The following ZNF75D variants were observed in gnomAD, a reference collection of about 807,000 sequenced individuals.
The protein encoded by ZNF75D is zinc finger protein 75D, also known as zinc finger protein 75.
ZNF75D carries 33 observed loss-of-function variants against 33.3 expected under a neutral mutation model. The observed-to-expected ratio is 0.99, with a 90% CI of 0.75 to 1.32. ZNF75D has a LOEUF of 1.32. ZNF75D is among the 40% of genes most tolerant of loss of function. ZNF75D has a pLI of 0.00. For missense variants in ZNF75D, 338 were observed against 367.5 expected (o/e 0.92, Z 0.66); for synonymous variants, 113 against 130.6 (o/e 0.87, Z 0.92).
At chrX:135,257,808 T>TTTA (rs1168748117) in intron 1 of ZNF75D, among the ~76,000 whole-genome samples, 1 of 111,934 alleles carries the variant, frequency 8.9e-6, no homozygotes, top group African/African-American at 3.2e-5. Context: ...TTAGAGATCT[T>TTTA]TTATTATTAT....
downstream of ZNF75D, among the ~76,000 whole-genome samples, chrX:135,283,051 G>A (rs2083926490): frequency 8.9e-6 from 1 of 111,972 alleles, no homozygotes; most frequent in Non-Finnish European, 1.9e-5. Context: ...CATTGCATAG[G>A]TCCTCCTCCC....
At chrX:135,314,666 G>C (rs1376556729) in intron 1 of ZNF75D, among the ~76,000 whole-genome samples, 1 of 111,373 alleles carries the variant, frequency 9.0e-6, no homozygotes, top group Non-Finnish European at 1.9e-5. Flanking sequence ...ACTTGTTATT[G>C]GTCTGTTCAG....
In ZNF75D at chrX:135,335,265, G is replaced by A. The variant is rs58653647; in HGVS notation, c.-391+6503C>T. On this transcript the variant is annotated intron_variant, in intron 1 of 6. Coordinates refer to ENST00000370766, the MANE Select transcript of ZNF75D (RefSeq NM_007131.5). Reference sequence around the variant, plus strand: ...CCTAGGACCTTGTTATATCTGAGAAGGTTTGGGATCTTCTTCTAAGTTCGA... The same window carrying A: ...CCTAGGACCTTGTTATATCTGAGAAAGTTTGGGATCTTCTTCTAAGTTCGA... Among the ~76,000 whole-genome samples, 1,107 of 110,929 alleles carry A rather than the reference G, an allele frequency of 1.0e-2. 37 individuals are homozygous for A. The East Asian group carries it at 0.14, about 14-fold the overall frequency.
At chrX:135,318,897 A>G (rs1246290126) in intron 1 of ZNF75D, among the ~76,000 whole-genome samples, 2 of 112,045 alleles carry the variant, frequency 1.8e-5, no homozygotes, top group Admixed American at 1.9e-4. Context: ...AAACAGGGAG[A>G]TGTTTTCTCT....
At chrX:135,261,620 C>T (rs1359646542) in intron 1 of ZNF75D, among the ~76,000 whole-genome samples, 1 of 111,254 alleles carries the variant, frequency 9.0e-6, no homozygotes. Flanking sequence ...GGTTGCAACC[C>T]CTGCTTTTTT....
intron 1 of ZNF75D, among the ~76,000 whole-genome samples, chrX:135,302,745 G>A (rs868984722): frequency 1.1e-4 from 12 of 111,457 alleles, no homozygotes; most frequent in African/African-American, 3.6e-4. Flanking sequence ...CCAGTGAAGG[G>A]GTGGGTTGCC....
At chrX:135,317,941 C>T (rs913582822) in intron 1 of ZNF75D, among the ~76,000 whole-genome samples, 16 of 109,726 alleles carry the variant, frequency 1.5e-4, no homozygotes, top group African/African-American at 5.3e-4. Flanking sequence ...GCAGTGTCAC[C>T]TTCAGTGACA....
chrX:135,266,582 A>T (rs1330368445), intron 1 of ZNF75D, among the ~76,000 whole-genome samples: 3 of 111,932 alleles, frequency 2.7e-5, no homozygotes, highest in Admixed American at 9.5e-5. Flanking sequence ...GCATATAAGG[A>T]TTGTAAATAT....
At chrX:135,291,929 T>G (rs1037599893) in intron 4 of ZNF75D, among the ~76,000 whole-genome samples, 8 of 112,403 alleles carry the variant, frequency 7.1e-5, no homozygotes, top group Middle Eastern at 9.3e-3. Flanking sequence ...TACTTTTTCC[T>G]AGTGCACAAT....
intron 1 of ZNF75D, among the ~76,000 whole-genome samples, chrX:135,261,864 G>A (rs951129081): frequency 8.1e-5 from 9 of 111,647 alleles, no homozygotes; most frequent in Admixed American, 1.9e-4. Context: ...TATTTTGCCC[G>A]TTAATTGATG....
At chrX:135,264,364 C>T (rs782357929) in intron 1 of ZNF75D, among the ~76,000 whole-genome samples, 123 of 111,678 alleles carry the variant, frequency 1.1e-3, no homozygotes, top group African/African-American at 3.9e-3. Flanking sequence ...TTCAACATGA[C>T]GTGTGGGTGC....
intron 1 of ZNF75D, among the ~76,000 whole-genome samples, chrX:135,324,063 C>T (rs73224782): frequency 9.5e-4 from 105 of 110,914 alleles, no homozygotes; most frequent in Non-Finnish European, 1.7e-3. Context: ...TTATTACTCA[C>T]ATACCGAGGC....
In ZNF75D at chrX:135,314,752, G is replaced by A. The variant is rs1187270501; in HGVS notation, c.-390-18713C>T. 6.3e-5 allele frequency among the ~76,000 whole-genome samples: 7 copies of A among 111,614 alleles called. No homozygotes were observed. In the East Asian group the frequency reaches 8.4e-4, roughly 13 times the overall value. On this transcript the variant is annotated intron_variant, in intron 1 of 6. Coordinates refer to ENST00000370766, the MANE Select transcript of ZNF75D (RefSeq NM_007131.5). ...TTACCAATTCCCTCTAGGTTTTCCCGTTTATGAGCATATAGGTGTTCATAA... is the reference window on the plus strand; with the variant it reads ...TTACCAATTCCCTCTAGGTTTTCCCATTTATGAGCATATAGGTGTTCATAA...
chrX:135,270,388 TATATAC>T (rs2083878795), intron 1 of ZNF75D, among the ~76,000 whole-genome samples: 5 of 87,452 alleles, frequency 5.7e-5, no homozygotes, highest in Admixed American at 5.1e-4. Context: ...TATATATATA[TATATAC>T]ACATATTTAT....
At chrX:135,312,307 G>A (rs2084367838) in intron 1 of ZNF75D, among the ~76,000 whole-genome samples, 1 of 111,109 alleles carries the variant, frequency 9.0e-6, no homozygotes, top group Non-Finnish European at 1.9e-5. Flanking sequence ...TTCCATCCAT[G>A]TTGCTGCAAC....
downstream of ZNF75D, among the ~76,000 whole-genome samples, chrX:135,284,748 C>T (rs1468758877): frequency 9.3e-6 from 1 of 107,373 alleles, no homozygotes; most frequent in Non-Finnish European, 1.9e-5. Flanking sequence ...GCACGATAAG[C>T]TTTGAAGGTA....
rs1358804504 is a variant in ZNF75D, at chrX:135,286,787, G to A, written c.*350C>T. Reference sequence around the variant, plus strand: ...GACAAAGAGTAAAAAATGAGACTAAGAGCCTTGACTATCATATGTCTGTTG... The same window carrying A: ...GACAAAGAGTAAAAAATGAGACTAAAAGCCTTGACTATCATATGTCTGTTG... On this transcript the variant is annotated 3_prime_UTR_variant, in exon 7 of 7. Coordinates refer to ENST00000370766, the MANE Select transcript of ZNF75D (RefSeq NM_007131.5). 1 of 168,895 alleles carries A rather than the reference G, an allele frequency of 5.9e-6. No individual in the cohort carries two copies. The highest frequency in any genetic ancestry group is 1.1e-5 in the Non-Finnish European group (1 of 92,780). 13.9% of individuals were successfully genotyped at this position (168,895 alleles called of 1,213,427 possible). A position where few individuals can be genotyped will look rare whatever the true frequency, so the allele number is the denominator to read the frequency against.
At chrX:135,338,094 A>C (rs182918897) in intron 1 of ZNF75D, among the ~76,000 whole-genome samples, 1 of 111,512 alleles carries the variant, frequency 9.0e-6, no homozygotes, top group East Asian at 2.8e-4. Context: ...GATCAGAGAC[A>C]CAATGAGCAG....
At chrX:135,329,366 C>T (rs1383681513) in intron 1 of ZNF75D, among the ~76,000 whole-genome samples, 7 of 111,300 alleles carry the variant, frequency 6.3e-5, no homozygotes, top group East Asian at 2.8e-4. Context: ...TCACTGCAAC[C>T]GCTGCCTCTT....
Sources: allele counts gnomAD v4.1 joint callset (sites outside exome capture counted in the v4.1 genomes callset), GRCh38; gene constraint gnomAD v4.1.1; transcripts MANE v1.5; gene names NCBI Gene and HGNC (gene_info 2026-07-23, HGNC 2026-07-21).